The following EBPL variants were observed in gnomAD, a reference collection of about 807,000 sequenced individuals.
EBPL encodes the protein emopamil-binding protein-like.
EBPL carries 20 observed loss-of-function variants against 19.0 expected under a neutral mutation model. That is an observed-to-expected ratio of 1.05 (90% CI 0.74 to 1.53). The LOEUF is 1.53. Ranked by LOEUF, EBPL falls within the 40% of genes most tolerant of loss-of-function variation. EBPL has a pLI of 0.00. For synonymous variants in EBPL, 107 were observed against 117.0 expected, an observed-to-expected ratio of 0.91 and a Z score of 0.55; for missense variants, 219 against 261.1, an observed-to-expected ratio of 0.84 and a Z score of 1.11.
chr13:49,662,307 C>T (rs906996640), intron 3 of EBPL, among the ~76,000 whole-genome samples: 17 of 152,112 alleles, frequency 1.1e-4, no homozygotes, highest in Middle Eastern at 6.8e-3. Context: ...CTCTGCACTC[C>T]GCCTGCCCCA....
chr13:49,669,712 T>C (rs1374713945), intron 2 of EBPL, 65 bp downstream of exon 2: 8 of 1,409,922 alleles, frequency 5.7e-6, no homozygotes, highest in Non-Finnish European at 8.0e-6. Context: ...ATAGAGGCGT[T>C]TGACAGTCAC....
chr13:49,687,132 C>A (rs1279642885), intron 1 of EBPL, among the ~76,000 whole-genome samples: 1 of 152,112 alleles, frequency 6.6e-6, no homozygotes, highest in East Asian at 1.9e-4. Context: ...CGAGGACCCC[C>A]GACTCATAGT....
At chr13:49,674,993 C>G (rs7319110) in intron 1 of EBPL, among the ~76,000 whole-genome samples, 95,986 of 152,064 alleles carry the variant, frequency 0.63, 32,050 homozygotes, top group East Asian at 0.77. Context: ...CTCTCTCAGC[C>G]CAACACCCAG....
At chr13:49,681,597 T>C (rs866416727) in intron 1 of EBPL, among the ~76,000 whole-genome samples, 12 of 152,346 alleles carry the variant, frequency 7.9e-5, no homozygotes, top group Middle Eastern at 3.4e-3. Flanking sequence ...AGCCCAGGCA[T>C]ATAAGGGTTT....
At chr13:49,675,894 T>C (rs956822753) in intron 1 of EBPL, among the ~76,000 whole-genome samples, 14 of 147,334 alleles carry the variant, frequency 9.5e-5, no homozygotes, top group African/African-American at 3.4e-4. Context: ...TTTTTTTTAA[T>C]AGTACTCATC....
chr13:49,667,001 G>A (rs1321744132), intron 2 of EBPL, among the ~76,000 whole-genome samples: 3 of 152,164 alleles, frequency 2.0e-5, no homozygotes, highest in Non-Finnish European at 4.4e-5. Context: ...TCAGGGAGGA[G>A]CATGTGCAAA....
At chr13:49,669,672 T>C (rs1275033028) in intron 2 of EBPL, 105 bp downstream of exon 2, 5 of 975,396 alleles carry the variant, frequency 5.1e-6, no homozygotes, top group Middle Eastern at 2.2e-4. Context: ...ATTCTGGACA[T>C]TTCATATAAA....
Position 49,661,225 on chromosome 13 carries a change from A to C in EBPL, c.381-17T>G. 6.3e-7 allele frequency: 1 copy of C among 1,598,952 alleles called. No homozygotes were observed. Among genetic ancestry groups the C allele is most frequent in the Non-Finnish European group, 8.5e-7 (1 of 1,170,176 alleles). Reference sequence around the variant, plus strand: ...AGGAAATGCCTGTTGGAGAGAAAGAAGCCCGGGATGAACCACCAGCTTGGC... The same window carrying C: ...AGGAAATGCCTGTTGGAGAGAAAGACGCCCGGGATGAACCACCAGCTTGGC... On this transcript the variant is annotated splice_polypyrimidine_tract_variant and intron_variant, in intron 3 of 3. Transcript: ENST00000242827.
chr13:49,677,428 T>C (rs1380333529), intron 1 of EBPL, among the ~76,000 whole-genome samples: 3 of 152,212 alleles, frequency 2.0e-5, no homozygotes, highest in Middle Eastern at 6.3e-3. Flanking sequence ...CATTCTGTGA[T>C]TCTGAGACTG....
At chr13:49,669,743 A>G (rs749807550) in intron 2 of EBPL, 34 bp downstream of exon 2, 2 of 1,599,078 alleles carry the variant, frequency 1.3e-6, no homozygotes, top group Non-Finnish European at 1.7e-6. Context: ...AACCTCCTCC[A>G]ACATTTCAAA....
At chr13:49,666,903 A>T (rs1308390467) in intron 2 of EBPL, among the ~76,000 whole-genome samples, 1 of 151,264 alleles carries the variant, frequency 6.6e-6, no homozygotes, top group Non-Finnish European at 1.5e-5. Flanking sequence ...AAAAGAAAAA[A>T]AAAAAAGGCA....
chr13:49,688,528 G>GCTAA (rs980057649), intron 1 of EBPL, among the ~76,000 whole-genome samples: 23 of 152,000 alleles, frequency 1.5e-4, no homozygotes, highest in African/African-American at 5.3e-4. Context: ...GACCATCCTG[G>GCTAA]CTAATATGGT....
chr13:49,678,028 C>T (rs1452851044), intron 1 of EBPL, among the ~76,000 whole-genome samples: 3 of 151,970 alleles, frequency 2.0e-5, no homozygotes, highest in Non-Finnish European at 4.4e-5. Context: ...TGGAAGGGGA[C>T]CCAAGCCGGT....
At chr13:49,677,277 C>A (rs1384609728) in intron 1 of EBPL, among the ~76,000 whole-genome samples, 5 of 152,208 alleles carry the variant, frequency 3.3e-5, no homozygotes, top group Non-Finnish European at 5.9e-5. Context: ...TGTATCATCA[C>A]ACTTGTCCAC....
chr13:49,674,054 T>G (rs1953849497), intron 1 of EBPL, among the ~76,000 whole-genome samples: 1 of 151,956 alleles, frequency 6.6e-6, no homozygotes, highest in Non-Finnish European at 1.5e-5. Flanking sequence ...CATATGATGG[T>G]TATATTATAC....
chr13:49,671,804 G>T (rs1385892896), intron 1 of EBPL, among the ~76,000 whole-genome samples: 1 of 152,206 alleles, frequency 6.6e-6, no homozygotes, highest in Admixed American at 6.5e-5. Context: ...GGACCCATTA[G>T]TAAGATGTGG....
At chr13:49,687,105 T>G (rs1010081992) in intron 1 of EBPL, among the ~76,000 whole-genome samples, 2 of 152,144 alleles carry the variant, frequency 1.3e-5, no homozygotes, top group African/African-American at 4.8e-5. Flanking sequence ...CCAGCACTAT[T>G]CTCTCTTAAC....
In EBPL at chr13:49,669,631, A is replaced by G. The variant is rs1594407351; in HGVS notation, c.241+146T>C. On this transcript the variant is annotated intron_variant, in intron 2 of 3. Coordinates refer to ENST00000242827, the MANE Select transcript of EBPL (RefSeq NM_032565.5). ...CCCCTACCCTCATTCCCACGCAACC[A>G]GTAATCTACAGTATCTCTACAGACT... 35 of 654,630 alleles carry G rather than the reference A, an allele frequency of 5.3e-5. No individual in the cohort carries two copies. In the East Asian group the frequency reaches 8.2e-4, roughly 15 times the overall value. The allele number at this position is 654,630 out of a possible 1,614,324, so 40.6% of individuals were successfully genotyped here.
intron 1 of EBPL, among the ~76,000 whole-genome samples, chr13:49,682,869 C>T (rs531132241): frequency 4.0e-4 from 61 of 152,172 alleles, no homozygotes; most frequent in Admixed American, 2.1e-3. Context: ...CCCAAAGGCC[C>T]TTGTTCTTTC....
Sources: allele counts gnomAD v4.1 joint callset (sites outside exome capture counted in the v4.1 genomes callset), GRCh38; gene constraint gnomAD v4.1.1; transcripts MANE v1.5; gene names NCBI Gene and HGNC (gene_info 2026-07-23, HGNC 2026-07-21).